PLOD1: variants seen among roughly 807,000 people sequenced by gnomAD.
PLOD1 encodes procollagen-lysine,2-oxoglutarate 5-dioxygenase 1.
A neutral mutation model predicts 94.7 loss-of-function variants in PLOD1; 70 were observed. The observed-to-expected ratio is 0.74, with a 90% CI of 0.61 to 0.90. The LOEUF is 0.90. Among genes scored for constraint, PLOD1 ranks in the 40% least tolerant of loss-of-function variants. The pLI is 0.00. For synonymous variants in PLOD1, 417 were observed against 400.2 expected (o/e 1.04, Z -0.50); for missense variants, 905 against 972.7 (o/e 0.93, Z 0.93).
At chr1:11,955,314 C>T (rs1291323157) in intron 6 of PLOD1, among the ~76,000 whole-genome samples, 1 of 152,214 alleles carries the variant, frequency 6.6e-6, no homozygotes, top group Non-Finnish European at 1.5e-5. Context: ...GCAAACATCC[C>T]TGGGCCTGGC....
At position 11,958,431 on chromosome 1, in the gene PLOD1, C is replaced by G. The variant is rs754704536; in HGVS notation, c.844-85C>G. 2.1e-5 allele frequency: 32 copies of G among 1,492,388 alleles called. No homozygotes were observed. Among genetic ancestry groups the G allele is most frequent in the Non-Finnish European group, 2.9e-5 (32 of 1,085,052 alleles). 92.4% of individuals were successfully genotyped at this position (1,492,388 alleles called of 1,614,324 possible). On this transcript the variant is annotated intron_variant, in intron 8 of 18. Transcript: ENST00000196061. This position sits in a 1 kb window ranked among gnomAD's most constrained non-coding sequence, Gnocchi z 4.3. ...AGTCTACATGCTTCTGATTCTGGCTCTGACTCCCTTGGGCCACCCTGGGGT... is the reference window on the plus strand; with the variant it reads ...AGTCTACATGCTTCTGATTCTGGCTGTGACTCCCTTGGGCCACCCTGGGGT...
In PLOD1 at chr1:11,934,719, C is replaced by A; in HGVS notation, c.-61C>A. ...GTGGCAGCGGGACCTGCGGCCCCGT[C>A]GCGAAGTTTCCAGCCCTGCGAGCGC... is the stretch of plus-strand genomic sequence containing the variant. On this transcript the variant is annotated 5_prime_UTR_variant, in exon 1 of 19. Transcript: ENST00000196061. 2 of 1,507,820 alleles carry A rather than the reference C, an allele frequency of 1.3e-6. No individual in the cohort carries two copies. Among genetic ancestry groups the A allele is most frequent in the Admixed American group, 2.1e-5 (1 of 48,174 alleles). 93.4% of individuals were successfully genotyped at this position (1,507,820 alleles called of 1,614,324 possible).
rs1557497743 is a variant in PLOD1, at chr1:11,966,586, G to T, written c.1650+270G>T. ...GGCACTTTCCTGCTGGAGGCTGTGG[G>T]AGTCTGCAGGGCCTCTCTACCTGGC... is the stretch of plus-strand genomic sequence containing the variant. On this transcript the variant is annotated intron_variant, in intron 15 of 18. Transcript: ENST00000196061. Among the ~76,000 whole-genome samples the T allele has an allele frequency of 2.6e-5, 4 of 151,982 alleles. No homozygotes were observed. In the South Asian group the frequency reaches 8.3e-4, roughly 32 times the overall value.
intron 1 of PLOD1, among the ~76,000 whole-genome samples, chr1:11,943,556 C>G (rs1010050293): frequency 6.6e-6 from 1 of 152,232 alleles, no homozygotes; most frequent in Non-Finnish European, 1.5e-5. Context: ...CTCAGCCTCT[C>G]AAAGTGCTGC....
At chr1:11,936,608 T>C (rs948579325) in intron 1 of PLOD1, among the ~76,000 whole-genome samples, 6 of 151,510 alleles carry the variant, frequency 4.0e-5, no homozygotes, top group African/African-American at 1.5e-4. Context: ...CTGCAACCTC[T>C]GTCTCCTGGG....
rs1232826536 is a variant in PLOD1, at chr1:11,974,633, T to G, written c.2029-20T>G. The G allele has an allele frequency of 1.4e-5, 22 of 1,610,352 alleles. No individual in the cohort carries two copies. Among genetic ancestry groups the G allele is most frequent in the Non-Finnish European group, 1.9e-5 (22 of 1,177,244 alleles). ...CAGGGGGGCGGTGGGGAAAGGCCAC[T>G]GATGCTTTCTGTCTCCCAGGGCGGG... On this transcript the variant is annotated intron_variant, in intron 18 of 18. Coordinates refer to ENST00000196061, the MANE Select transcript of PLOD1 (RefSeq NM_000302.4).
intron 4 of PLOD1, among the ~76,000 whole-genome samples, chr1:11,951,763 C>CA: frequency 6.7e-6 from 1 of 150,210 alleles, no homozygotes; most frequent in South Asian, 2.1e-4. Flanking sequence ...ACTAAAAATA[C>CA]AAAAAATTAG....
At chr1:11,969,246 C>T (rs1208697984) in intron 16 of PLOD1, among the ~76,000 whole-genome samples, 2 of 152,092 alleles carry the variant, frequency 1.3e-5, no homozygotes, top group Non-Finnish European at 2.9e-5. Flanking sequence ...ACCTTGGCCT[C>T]CCAAAGTGCT....
At chr1:11,938,837 C>T (rs1645597195) in intron 1 of PLOD1, among the ~76,000 whole-genome samples, 1 of 152,112 alleles carries the variant, frequency 6.6e-6, no homozygotes. Flanking sequence ...GTACAGAGCA[C>T]CTCACTTCAG....
chr1:11,949,443 G>A (rs1188747318), intron 2 of PLOD1, among the ~76,000 whole-genome samples: 2 of 151,904 alleles, frequency 1.3e-5, no homozygotes, highest in Non-Finnish European at 2.9e-5. Context: ...TTTTTGAGAC[G>A]GAGTGTTGCT....
intron 15 of PLOD1, 29 bp downstream of exon 15, chr1:11,966,345 A>G: frequency 6.4e-7 from 1 of 1,550,754 alleles, no homozygotes; most frequent in Non-Finnish European, 8.8e-7. Flanking sequence ...CTCTTGGACC[A>G]GCCTTGCCTG....
At chr1:11,966,793 C>T (rs1645821713) in intron 15 of PLOD1, among the ~76,000 whole-genome samples, 194 bp from the exon 16 acceptor site, 1 of 152,198 alleles carries the variant, frequency 6.6e-6, no homozygotes, top group Non-Finnish European at 1.5e-5. Context: ...GCTGGTAGCT[C>T]TGTGACCTCG....
intron 17 of PLOD1, chr1:11,971,532 T>C: frequency 6.5e-6 from 1 of 153,230 alleles, no homozygotes; most frequent in Non-Finnish European, 1.4e-5. Context: ...CATGCCTGGC[T>C]AATTTTTGTA....
chr1:11,965,011 GGT>G (rs977096820), intron 13 of PLOD1, among the ~76,000 whole-genome samples: 3 of 152,140 alleles, frequency 2.0e-5, no homozygotes, highest in Non-Finnish European at 2.9e-5. Flanking sequence ...TAGCTGACCT[GGT>G]TTTTATACCA....
intron 10 of PLOD1, among the ~76,000 whole-genome samples, chr1:11,962,707 C>T (rs1294964103): frequency 1.3e-5 from 2 of 151,998 alleles, no homozygotes; most frequent in Non-Finnish European, 2.9e-5. Flanking sequence ...TATGATTGTG[C>T]ATTCCAGCTT....
At position 11,959,216 on chromosome 1, in the gene PLOD1, AAAAT is replaced by A. The variant is rs552992490; in HGVS notation, c.975+589_975+592del. Among the ~76,000 whole-genome samples, 71 of 152,144 alleles carry A rather than the reference AAAAT, an allele frequency of 4.7e-4. No homozygotes were observed. In the South Asian group the frequency reaches 5.2e-3, roughly 11 times the overall value. ...GCAAAACTCCGTCTCAAAAAAAATA[AAAAT>A]AAATAAATAAATAAATAAAATAAAA... On this transcript the variant is annotated intron_variant, in intron 9 of 18. Coordinates refer to ENST00000196061, the MANE Select transcript of PLOD1 (RefSeq NM_000302.4).
chr1:11,965,310 G>A (rs1185980010), intron 13 of PLOD1, among the ~76,000 whole-genome samples, 170 bp from the exon 14 acceptor site: 2 of 151,958 alleles, frequency 1.3e-5, no homozygotes, highest in African/African-American at 2.4e-5. Context: ...GTCAGGCCTG[G>A]GCTGGGCCCT....
At position 11,972,985 on chromosome 1, in the gene PLOD1, G is replaced by A; in HGVS notation, c.2016G>A (p.Gly672=). 6.2e-7 allele frequency: 1 copy of A among 1,614,054 alleles called. No individual in the cohort carries two copies. Among genetic ancestry groups the A allele is most frequent in the African/African-American group, 1.3e-5 (1 of 75,022 alleles). The change falls in exon 18 of 19, where the codon GGG becomes GGA. Residue 672 remains glycine (G), a synonymous_variant. Transcript: ENST00000196061. This position sits in a 1 kb window ranked among gnomAD's most constrained non-coding sequence, Gnocchi z 4.6. ...FTINIALNRV[G]VDYEGGGCRF... is the part of the protein sequence containing the mutation. Reference sequence around the variant, plus strand: ...TCAACATCGCCCTGAACCGAGTCGGGGTGGATTACGAGGTGAGCAGGAGCC... The same window carrying A: ...TCAACATCGCCCTGAACCGAGTCGGAGTGGATTACGAGGTGAGCAGGAGCC...
At chr1:11,943,158 T>C (rs1645626405) in intron 1 of PLOD1, among the ~76,000 whole-genome samples, 1 of 151,878 alleles carries the variant, frequency 6.6e-6, no homozygotes, top group South Asian at 2.1e-4. Flanking sequence ...CCTAGCTAAT[T>C]TTTGTATTTT....
Sources: allele counts gnomAD v4.1 joint callset (sites outside exome capture counted in the v4.1 genomes callset), GRCh38; gene constraint gnomAD v4.1.1; non-coding constraint Gnocchi (gnomAD v3.1); transcripts MANE v1.5; gene names NCBI Gene and HGNC (gene_info 2026-07-23, HGNC 2026-07-21).